Variants in RBFOX1 observed in about 807,000 individuals in gnomAD.
The protein encoded by RBFOX1 is RNA binding fox-1 homolog 1.
Under a neutral mutation model 57.7 loss-of-function variants are expected in RBFOX1, and 8 were observed. The ratio of observed to expected loss-of-function variants is 0.14; its 90% CI spans 0.08 to 0.25. RBFOX1 has a LOEUF of 0.25. RBFOX1 is among the 10% of genes least tolerant of loss of function. The pLI, the probability that RBFOX1 is intolerant of heterozygous loss-of-function variation, is 1.00. For synonymous variants in RBFOX1, 326 were observed against 222.4 expected, an observed-to-expected ratio of 1.47 and a Z score of -4.15; for missense variants, 611 against 548.5, an observed-to-expected ratio of 1.11 and a Z score of -1.14.
chr16:6,733,827 G>C (rs537924051), intron 3 of RBFOX1, among the ~76,000 whole-genome samples: 123 of 152,316 alleles, frequency 8.1e-4, no homozygotes, highest in Non-Finnish European at 1.5e-3. Flanking sequence ...CTTGCTGCTG[G>C]AAAGCAGGAG....
chr16:7,362,214 TTA>T (rs949044537), intron 4 of RBFOX1, among the ~76,000 whole-genome samples: 1 of 151,646 alleles, frequency 6.6e-6, no homozygotes, highest in African/African-American at 2.4e-5. Context: ...TGTTTGTTTT[TTA>T]TGTGTTTGTG....
intron 3 of RBFOX1, among the ~76,000 whole-genome samples, chr16:6,962,735 G>A (rs553950861): frequency 1.6e-4 from 24 of 152,232 alleles, no homozygotes; most frequent in African/African-American, 5.8e-4. Context: ...GCAGTAGCAT[G>A]TGTGTGTAGC....
intron 3 of RBFOX1, among the ~76,000 whole-genome samples, chr16:6,689,568 C>A (rs952854337): frequency 3.9e-5 from 6 of 152,154 alleles, no homozygotes; most frequent in African/African-American, 1.4e-4. Flanking sequence ...TAAGGTGCCT[C>A]AGCCTGTCTA....
At chr16:7,373,546 A>C (rs578252085) in intron 4 of RBFOX1, among the ~76,000 whole-genome samples, 1 of 152,286 alleles carries the variant, frequency 6.6e-6, no homozygotes, top group Admixed American at 6.5e-5. Context: ...GGAGATGGCT[A>C]AAAGAGAGTG....
chr16:7,653,731 A>C, intron 11 of RBFOX1, 84 bp from the exon 12 acceptor site: 1 of 1,580,224 alleles, frequency 6.3e-7, no homozygotes, highest in Non-Finnish European at 8.6e-7. Context: ...TGCAGGGACA[A>C]GGGTTCCCGG....
intron 1 of RBFOX1, among the ~76,000 whole-genome samples, chr16:6,227,102 T>C (rs4786842): frequency 0.96 from 146,242 of 151,866 alleles, 70,633 homozygotes; most frequent in East Asian, 1. Flanking sequence ...CCAGCGTAGG[T>C]GACAGGGCGA....
At chr16:5,686,018 C>G (rs754625494) in intron 3 of RBFOX1, among the ~76,000 whole-genome samples, 1 of 152,144 alleles carries the variant, frequency 6.6e-6, no homozygotes, top group Non-Finnish European at 1.5e-5. Context: ...AGAAGGAATA[C>G]AAGTAGGTCT....
At chr16:6,723,873 C>G (rs1388547762) in intron 3 of RBFOX1, 1 of 152,098 alleles carries the variant, frequency 6.6e-6, no homozygotes, top group Non-Finnish European at 1.5e-5. Flanking sequence ...GTTTCCAGCT[C>G]CACACCCTGG....
intron 1 of RBFOX1, among the ~76,000 whole-genome samples, chr16:6,040,720 GAGT>G (rs142517195): frequency 0.086 from 13,063 of 151,996 alleles, 792 homozygotes; most frequent in East Asian, 0.33. Context: ...TTAGACTCCT[GAGT>G]AGCTGGGATT....
chr16:6,315,693 G>A (rs1156313107), intron 1 of RBFOX1, among the ~76,000 whole-genome samples: 1 of 152,162 alleles, frequency 6.6e-6, no homozygotes, highest in African/African-American at 2.4e-5. Flanking sequence ...ACATCAAAAT[G>A]CAAAGCAAAA....
At chr16:6,053,700 T>C (rs573279384) in intron 1 of RBFOX1, among the ~76,000 whole-genome samples, 205 of 152,270 alleles carry the variant, frequency 1.3e-3, no homozygotes, top group African/African-American at 4.8e-3. Context: ...TAAGAGATCT[T>C]CAGGTCTTAA....
In RBFOX1 at chr16:5,946,295, A is replaced by G. The variant is rs1020777202; in HGVS notation, c.351+78960A>G. Reference sequence around the variant, plus strand: ...GGGACACAATCATAGGACCTCCCTCATAGGGTTATTTGAGGCTCAGACTAA... The same window carrying G: ...GGGACACAATCATAGGACCTCCCTCGTAGGGTTATTTGAGGCTCAGACTAA... On this transcript the variant is annotated intron_variant, in intron 4 of 19. Coordinates refer to the RBFOX1 transcript ENST00000641259. This position sits in a 1 kb window ranked among gnomAD's most constrained non-coding sequence, Gnocchi z 4.6. Among the ~76,000 whole-genome samples the G allele has an allele frequency of 2.6e-5, 4 of 152,170 alleles. No homozygotes were observed. The highest frequency in any genetic ancestry group is 6.5e-5 in the Admixed American group (1 of 15,278).
chr16:6,957,148 T>C (rs1483032832), intron 3 of RBFOX1, among the ~76,000 whole-genome samples: 1 of 52,662 alleles, frequency 1.9e-5, no homozygotes, highest in Non-Finnish European at 4.0e-5. Context: ...TTATTTATTT[T>C]TGAGATGGAG....
At chr16:7,707,721 G>C (rs2082938661) in intron 14 of RBFOX1, among the ~76,000 whole-genome samples, 1 of 152,138 alleles carries the variant, frequency 6.6e-6, no homozygotes, top group African/African-American at 2.4e-5. Flanking sequence ...AACTTATGTA[G>C]GCATTAAAAA....
At chr16:6,756,990 A>G (rs538338024) in intron 3 of RBFOX1, among the ~76,000 whole-genome samples, 8 of 20,072 alleles carry the variant, frequency 4.0e-4, no homozygotes, top group African/African-American at 6.1e-4. Flanking sequence ...AAACAGACAA[A>G]CAAACAAACA....
At chr16:5,930,318 G>C (rs2059023548) in intron 4 of RBFOX1, among the ~76,000 whole-genome samples, 1 of 138,734 alleles carries the variant, frequency 7.2e-6, no homozygotes, top group Non-Finnish European at 1.6e-5. Context: ...TGGTTGGATG[G>C]ATGGATGGAT....
downstream of RBFOX1, among the ~76,000 whole-genome samples, chr16:5,601,887 T>C (rs1322621711): frequency 6.6e-6 from 1 of 152,190 alleles, no homozygotes; most frequent in Non-Finnish European, 1.5e-5. Context: ...GATTTTTAGC[T>C]CTCTTGGGTT....
chr16:6,483,901 G>C, intron 2 of RBFOX1: 2 of 1,142,068 alleles, frequency 1.8e-6, no homozygotes, highest in South Asian at 4.9e-5. Context: ...TTTGCAGCGC[G>C]TGAATGGGAC....
intron 1 of RBFOX1, among the ~76,000 whole-genome samples, chr16:6,057,502 G>C (rs982324005): frequency 2.0e-5 from 3 of 152,012 alleles, no homozygotes; most frequent in African/African-American, 7.3e-5. Context: ...CCTGGGTTAG[G>C]CTTTGGGAAT....
Sources: allele counts gnomAD v4.1 joint callset (sites outside exome capture counted in the v4.1 genomes callset), GRCh38; gene constraint gnomAD v4.1.1; non-coding constraint Gnocchi (gnomAD v3.1); transcripts MANE v1.5; gene names NCBI Gene and HGNC (gene_info 2026-07-23, HGNC 2026-07-21).